CCDC171: variants seen among roughly 807,000 people sequenced by gnomAD.
CCDC171 encodes coiled-coil domain-containing protein 171.
A neutral mutation model predicts 168.2 loss-of-function variants in CCDC171; 177 were observed. The ratio of observed to expected loss-of-function variants is 1.05; its 90% CI spans 0.93 to 1.19. CCDC171 has a LOEUF of 1.19. Among genes scored for constraint, CCDC171 ranks in the 50% most tolerant of loss-of-function variants. The pLI is 0.00. For synonymous variants in CCDC171, 687 were observed against 540.8 expected, an observed-to-expected ratio of 1.27 and a Z score of -3.75; for missense variants, 1,991 against 1,539.0, an observed-to-expected ratio of 1.29 and a Z score of -4.91.
chr9:15,944,903 T>G (rs927379346), intron 25 of CCDC171, among the ~76,000 whole-genome samples: 1 of 148,974 alleles, frequency 6.7e-6, no homozygotes, highest in African/African-American at 2.5e-5. Flanking sequence ...CATTATACTT[T>G]AAGTTTTAGG....
chr9:15,727,514 G>A (rs114342705), intron 14 of CCDC171, among the ~76,000 whole-genome samples: 2,125 of 152,174 alleles, frequency 0.014, 51 homozygotes, highest in African/African-American at 0.048. Flanking sequence ...AGTTAGATAG[G>A]CTTATAAACA....
intron 3 of CCDC171, among the ~76,000 whole-genome samples, chr9:15,573,616 A>G (rs2040409567): frequency 7.1e-6 from 1 of 140,984 alleles, no homozygotes; most frequent in African/African-American, 2.5e-5. Flanking sequence ...AATTGAAGTA[A>G]TTGCTTCTAT....
the CCDC171 span, among the ~76,000 whole-genome samples, chr9:16,081,003 G>A: frequency 6.6e-6 from 1 of 152,126 alleles, no homozygotes; most frequent in South Asian, 2.1e-4. Context: ...CTCTCTTGCG[G>A]AACTTAGAAT....
At chr9:15,673,254 GA>G (rs1325094870) in intron 9 of CCDC171, among the ~76,000 whole-genome samples, 12 of 152,226 alleles carry the variant, frequency 7.9e-5, no homozygotes, top group Admixed American at 7.9e-4. Flanking sequence ...ATTTTGGGCT[GA>G]GATGATGGGG....
chr9:15,941,627 A>AT (rs1827748640), intron 25 of CCDC171, among the ~76,000 whole-genome samples: 1 of 151,982 alleles, frequency 6.6e-6, no homozygotes, highest in Non-Finnish European at 1.5e-5. Flanking sequence ...AAGAAGAGAG[A>AT]ATTGTGATAA....
intron 7 of CCDC171, among the ~76,000 whole-genome samples, chr9:15,639,341 G>C (rs76984780): frequency 1.3e-5 from 2 of 151,868 alleles, no homozygotes; most frequent in East Asian, 3.9e-4. Context: ...TTTAAGATTG[G>C]AACTTCAGTT....
At chr9:15,817,856 C>G (rs2059618458) in intron 21 of CCDC171, among the ~76,000 whole-genome samples, 1 of 118,224 alleles carries the variant, frequency 8.5e-6, no homozygotes, top group Admixed American at 7.9e-5. Flanking sequence ...GTGGTTCTCC[C>G]AGCACACAGC....
chr9:15,880,409 A>G lies in CCDC171; in HGVS notation c.3600+5746A>G, dbSNP rs150296966. Among the ~76,000 whole-genome samples the G allele has an allele frequency of 8.1e-4, 123 of 151,878 alleles. 1 individual carries two copies. The highest frequency in any genetic ancestry group is 2.8e-3 in the African/African-American group (115 of 41,420). On this transcript the variant is annotated intron_variant, in intron 24 of 25. Coordinates refer to ENST00000380701, the MANE Select transcript of CCDC171 (RefSeq NM_173550.4). ...TTATGGCTTATGAATACAATGTGCA[A>G]TAATTAAATCATGCTAATGAACATA...
intron 7 of CCDC171, among the ~76,000 whole-genome samples, chr9:15,633,502 A>G (rs1012283184): frequency 9.9e-5 from 15 of 152,222 alleles, no homozygotes; most frequent in Non-Finnish European, 4.4e-5. Context: ...TAGAATGGCA[A>G]TCATTAAAAA....
Position 16,004,454 on chromosome 9 carries a change from C to T in CCDC171, n.369-16135C>T, listed in dbSNP as rs187325710. On this transcript the variant is annotated intron_variant and non_coding_transcript_variant, in intron 3 of 9. Transcript: ENST00000486641. ...CTTGTCTCTTCTAGAACAAAGATGA[C>T]GAGCTGGTGGCCCAGTGGGGAAATC... Among the ~76,000 whole-genome samples the T allele has an allele frequency of 3.1e-4, 47 of 152,312 alleles. 1 individual carries two copies. Among genetic ancestry groups the T allele is most frequent in the Admixed American group, 1.7e-3 (26 of 15,300 alleles).
intron 18 of CCDC171, among the ~76,000 whole-genome samples, chr9:15,749,475 A>G (rs1165975993): frequency 1.3e-5 from 2 of 152,208 alleles, no homozygotes; most frequent in African/African-American, 4.8e-5. Flanking sequence ...AGCGGACCTA[A>G]TAGACATCTA....
intron 4 of CCDC171, chr9:16,022,244 C>A (rs1354286650): frequency 6.6e-6 from 1 of 152,250 alleles, no homozygotes; most frequent in East Asian, 1.9e-4. Flanking sequence ...CGTACTGGTT[C>A]AGTTCCAGGA....
chr9:15,994,154 A>AG (rs56840984), intron 3 of CCDC171, among the ~76,000 whole-genome samples: 1 of 152,024 alleles, frequency 6.6e-6, no homozygotes, highest in African/African-American at 2.4e-5. Flanking sequence ...TTATTGCAGT[A>AG]TAATCGCAAT....
At chr9:15,761,092 A>T (rs1008043722) in intron 18 of CCDC171, among the ~76,000 whole-genome samples, 1 of 152,228 alleles carries the variant, frequency 6.6e-6, no homozygotes, top group Non-Finnish European at 1.5e-5. Flanking sequence ...ATTTGCTTTG[A>T]AATATCTCTG....
At chr9:15,644,784 C>T (rs954572738) in intron 7 of CCDC171, among the ~76,000 whole-genome samples, 1 of 152,216 alleles carries the variant, frequency 6.6e-6, no homozygotes, top group Non-Finnish European at 1.5e-5. Flanking sequence ...CCCAAGGAGG[C>T]CTGCCTGCCT....
At position 15,611,951 on chromosome 9, in the gene CCDC171, G is replaced by A. The variant is rs115028633; in HGVS notation, c.676-11316G>A. On this transcript the variant is annotated intron_variant, in intron 6 of 25. Coordinates refer to ENST00000380701, the MANE Select transcript of CCDC171 (RefSeq NM_173550.4). The stretch of plus-strand genomic sequence containing the variant: ...TTCAGGAGATTATTAGGTCTTGATG[G>A]TGGAAACCTTAAGTAGAATTGGTGC... Among the ~76,000 whole-genome samples the A allele has an allele frequency of 6.2e-3, 947 of 152,290 alleles. 7 individuals carry two copies. Among genetic ancestry groups the A allele is most frequent in the African/African-American group, 0.022 (923 of 41,558 alleles).
intron 24 of CCDC171, among the ~76,000 whole-genome samples, chr9:15,878,801 A>G (rs1480196877): frequency 6.6e-6 from 1 of 152,194 alleles, no homozygotes; most frequent in Non-Finnish European, 1.5e-5. Context: ...ACAACCATAA[A>G]AAGAACGAGA....
intron 4 of CCDC171, among the ~76,000 whole-genome samples, chr9:15,587,021 C>G (rs2041616402): frequency 6.6e-6 from 1 of 152,092 alleles, no homozygotes; most frequent in African/African-American, 2.4e-5. Context: ...CCATGTTGAC[C>G]AGGCTGGTGT....
At chr9:15,578,296 A>G (rs1237930902) in intron 3 of CCDC171, among the ~76,000 whole-genome samples, 2 of 148,534 alleles carry the variant, frequency 1.3e-5, no homozygotes, top group Non-Finnish European at 3.0e-5. Context: ...GTGCAGTGGC[A>G]TGGTCTCTGC....
Sources: allele counts gnomAD v4.1 joint callset (sites outside exome capture counted in the v4.1 genomes callset), GRCh38; gene constraint gnomAD v4.1.1; transcripts MANE v1.5; gene names NCBI Gene and HGNC (gene_info 2026-07-23, HGNC 2026-07-21).